Variants in ARHGAP42 observed in about 807,000 individuals in gnomAD.
The protein encoded by ARHGAP42 is rho GTPase-activating protein 42.
ARHGAP42 carries 63 observed loss-of-function variants against 125.0 expected under a neutral mutation model. The ratio of observed to expected loss-of-function variants is 0.50; its 90% CI spans 0.41 to 0.62. ARHGAP42 has a LOEUF of 0.62. Ranked by LOEUF, ARHGAP42 falls within the 20% of genes least tolerant of loss-of-function variation. The probability of loss-of-function intolerance (pLI) is 0.00; values close to 1 mark genes in which losing one functional copy is unlikely to be tolerated. For synonymous variants in ARHGAP42, 339 were observed against 351.0 expected, an observed-to-expected ratio of 0.97 and a Z score of 0.38; for missense variants, 766 against 1,024.2, an observed-to-expected ratio of 0.75 and a Z score of 3.44.
chr11:100,769,372 A>G (rs1405184669), intron 1 of ARHGAP42, among the ~76,000 whole-genome samples: 1 of 152,196 alleles, frequency 6.6e-6, no homozygotes, highest in Non-Finnish European at 1.5e-5. Context: ...TCACTCGGTT[A>G]GGTTGCATCC....
chr11:100,698,339 T>C (rs1861324161), intron 1 of ARHGAP42, among the ~76,000 whole-genome samples: 1 of 152,112 alleles, frequency 6.6e-6, no homozygotes, highest in Admixed American at 6.6e-5. Context: ...GGTGTGGTGG[T>C]GTGCACCTGT....
At chr11:100,867,728 T>C (rs556823) in intron 4 of ARHGAP42, among the ~76,000 whole-genome samples, 128,160 of 152,290 alleles carry the variant, frequency 0.84, 54,360 homozygotes, top group East Asian at 0.96. Context: ...CACAGCTTGG[T>C]TGACTGGCAC....
intron 22 of ARHGAP42, among the ~76,000 whole-genome samples, chr11:100,983,435 TGCCCCTCTATCTCCCCTCCACAG>T (rs975751699): frequency 1.3e-5 from 2 of 152,176 alleles, no homozygotes; most frequent in Non-Finnish European, 2.9e-5. Flanking sequence ...GGCTTCTGCC[TGCCCCTCTATCTCCCCTCCACAG>T]GTTCCCTTGA....
chr11:100,932,670 T>C (rs1565282125), intron 6 of ARHGAP42, among the ~76,000 whole-genome samples: 4 of 152,210 alleles, frequency 2.6e-5, no homozygotes, highest in Admixed American at 1.3e-4. Flanking sequence ...GTCTATTCAA[T>C]ACTCAAATCA....
intron 1 of ARHGAP42, chr11:100,738,647 AATTT>A (rs1480680191): frequency 3.3e-5 from 5 of 152,308 alleles, no homozygotes; most frequent in Non-Finnish European, 5.9e-5. Context: ...ACTTGCAAAC[AATTT>A]ATTCCTCTAA....
At chr11:100,769,377 G>A (rs1235142153) in intron 1 of ARHGAP42, among the ~76,000 whole-genome samples, 1 of 152,144 alleles carries the variant, frequency 6.6e-6, no homozygotes, top group African/African-American at 2.4e-5. Flanking sequence ...CGGTTAGGTT[G>A]CATCCTGGGC....
At position 100,976,826 on chromosome 11, in the gene ARHGAP42, T is replaced by C; in HGVS notation, c.2248T>C (p.Tyr750His). Residue 750 changes from tyrosine to histidine, a missense_variant, in exon 21 of 24, where the codon TAC becomes CAC. This residue lies in a region of ARHGAP42 where 308 missense variants were observed against 369.7 expected (regional missense o/e 0.83). Coordinates refer to ENST00000298815, the MANE Select transcript of ARHGAP42 (RefSeq NM_152432.4). ...SISAAEGNKSYSGSIQSLTSV... is the reference protein window; with the variant it reads ...SISAAEGNKSHSGSIQSLTSV... ...GGCTTTCTTTTTAGGAAACAAGAGC[T>C]ACAGTGGATCTATTCAAAGCTTAAC... 1 of 1,550,438 alleles carries C rather than the reference T, an allele frequency of 6.4e-7. No homozygotes were observed. The highest frequency in any genetic ancestry group is 8.7e-7 in the Non-Finnish European group (1 of 1,146,728).
chr11:100,951,900 C>T (rs929494344), intron 12 of ARHGAP42, among the ~76,000 whole-genome samples: 3 of 152,090 alleles, frequency 2.0e-5, no homozygotes, highest in Non-Finnish European at 4.4e-5. Flanking sequence ...TGACAGAACC[C>T]GTCTCTTCTC....
At chr11:100,743,360 A>G (rs758349423) in intron 1 of ARHGAP42, among the ~76,000 whole-genome samples, 10 of 152,158 alleles carry the variant, frequency 6.6e-5, no homozygotes, top group Non-Finnish European at 1.2e-4. Context: ...TCTTGGTGAC[A>G]GTTATTCTGT....
At chr11:100,783,401 A>G (rs1450145427) in intron 2 of ARHGAP42, among the ~76,000 whole-genome samples, 4 of 152,218 alleles carry the variant, frequency 2.6e-5, no homozygotes, top group Non-Finnish European at 4.4e-5. Context: ...ACACCACTGC[A>G]CTCTAGCCTG....
chr11:100,716,926 G>T (rs1861671396), intron 1 of ARHGAP42, among the ~76,000 whole-genome samples: 1 of 152,136 alleles, frequency 6.6e-6, no homozygotes, highest in Non-Finnish European at 1.5e-5. Flanking sequence ...AGGAGGGCCA[G>T]AGAGGAAAAT....
intron 3 of ARHGAP42, chr11:100,859,350 A>G (rs909272277): frequency 2.6e-5 from 11 of 430,966 alleles, no homozygotes; most frequent in Admixed American, 8.9e-5. Flanking sequence ...TATTTTTCAC[A>G]TTGTTGTTAG....
intron 4 of ARHGAP42, among the ~76,000 whole-genome samples, chr11:100,880,395 T>C (rs2135175280): frequency 6.6e-6 from 1 of 152,316 alleles, no homozygotes; most frequent in East Asian, 1.9e-4. Context: ...AGAATAATAG[T>C]CTCCAGTCTC....
chr11:100,988,651 T>G (rs1858751070), intron 23 of ARHGAP42, 62 bp from the exon 24 acceptor site: 4 of 1,359,516 alleles, frequency 2.9e-6, no homozygotes, highest in Non-Finnish European at 4.1e-6. Flanking sequence ...TTAACCCATC[T>G]GTTTATATAA....
intron 17 of ARHGAP42, among the ~76,000 whole-genome samples, chr11:100,970,704 C>G (rs1016585161): frequency 6.6e-6 from 1 of 152,124 alleles, no homozygotes; most frequent in African/African-American, 2.4e-5. Flanking sequence ...CTTATGGACT[C>G]TACCCCCTCT....
chr11:100,907,454 A>G (rs983062393), intron 4 of ARHGAP42, among the ~76,000 whole-genome samples: 3 of 152,176 alleles, frequency 2.0e-5, no homozygotes, highest in African/African-American at 7.2e-5. Context: ...GTGAATTATA[A>G]TGGTACAACC....
At chr11:100,931,888 A>G (rs1867591765) in intron 6 of ARHGAP42, among the ~76,000 whole-genome samples, 1 of 152,170 alleles carries the variant, frequency 6.6e-6, no homozygotes, top group Non-Finnish European at 1.5e-5. Flanking sequence ...ATTTTAAGAT[A>G]ATCTTGAATA....
At chr11:100,926,502 G>C (rs887616018) in intron 6 of ARHGAP42, among the ~76,000 whole-genome samples, 1 of 152,188 alleles carries the variant, frequency 6.6e-6, no homozygotes, top group African/African-American at 2.4e-5. Context: ...CTTAAAATTA[G>C]AAGAAAATAA....
intron 1 of ARHGAP42, among the ~76,000 whole-genome samples, chr11:100,717,841 G>T (rs1219476006): frequency 1.3e-5 from 2 of 149,338 alleles, no homozygotes; most frequent in African/African-American, 5.0e-5. Context: ...CAGGAGAATG[G>T]CTTGAACCCA....
Sources: allele counts gnomAD v4.1 joint callset (sites outside exome capture counted in the v4.1 genomes callset), GRCh38; gene constraint gnomAD v4.1.1; regional missense constraint gnomAD v4.1.1; transcripts MANE v1.5; gene names NCBI Gene and HGNC (gene_info 2026-07-23, HGNC 2026-07-21).